The following PLXNC1 variants were observed in gnomAD, a reference collection of about 807,000 sequenced individuals.
PLXNC1 encodes plexin C1.
In PLXNC1, 75 loss-of-function variants were observed where a neutral mutation model predicts 178.2. That is an observed-to-expected ratio of 0.42 (90% CI 0.35 to 0.51). The LOEUF (loss-of-function observed/expected upper bound fraction) is 0.51. Ranked by LOEUF, PLXNC1 falls within the 20% of genes least tolerant of loss-of-function variation. The pLI is 0.02. For synonymous variants in PLXNC1, 790 were observed against 779.9 expected (o/e 1.01, Z -0.22); for missense variants, 1,503 against 1,984.4 (o/e 0.76, Z 4.61).
intron 21 of PLXNC1, among the ~76,000 whole-genome samples, chr12:94,268,106 G>C (rs903338112): frequency 6.6e-6 from 1 of 152,118 alleles, no homozygotes; most frequent in South Asian, 2.1e-4. Context: ...GCAGGGACAC[G>C]TTTGGAAAAA....
intron 9 of PLXNC1, among the ~76,000 whole-genome samples, chr12:94,234,757 C>T (rs1488000508): frequency 6.6e-6 from 1 of 152,178 alleles, no homozygotes; most frequent in African/African-American, 2.4e-5. Flanking sequence ...CTCTAAAATG[C>T]ATAAGCTTAT....
chr12:94,227,945 T>G (rs1963991899), intron 9 of PLXNC1, among the ~76,000 whole-genome samples: 1 of 152,206 alleles, frequency 6.6e-6, no homozygotes, highest in African/African-American at 2.4e-5. Flanking sequence ...AAAAAGAGGA[T>G]AAGTCCTGCC....
At chr12:94,169,627 G>A (rs947725936) in intron 2 of PLXNC1, among the ~76,000 whole-genome samples, 5 of 152,110 alleles carry the variant, frequency 3.3e-5, no homozygotes, top group East Asian at 3.9e-4. Context: ...TAACCTTTTA[G>A]TTCTAGCTCC....
chr12:94,214,385 C>T (rs1963583685), intron 5 of PLXNC1, among the ~76,000 whole-genome samples: 2 of 152,160 alleles, frequency 1.3e-5, no homozygotes, highest in Non-Finnish European at 2.9e-5. Context: ...CCATGCCCAT[C>T]CTAGAAACAT....
chr12:94,239,232 C>T (rs774844279), intron 10 of PLXNC1, among the ~76,000 whole-genome samples: 1 of 152,192 alleles, frequency 6.6e-6, no homozygotes, highest in Admixed American at 6.5e-5. Context: ...TAATCCTATA[C>T]CTGAGCCCAG....
At chr12:94,187,089 T>C (rs1040387281) in intron 4 of PLXNC1, among the ~76,000 whole-genome samples, 5 of 151,974 alleles carry the variant, frequency 3.3e-5, no homozygotes, top group African/African-American at 1.2e-4. Flanking sequence ...CCTGGTTGGA[T>C]TCGCCGTCGC....
chr12:94,236,298 G>A (rs1022557728), intron 9 of PLXNC1, among the ~76,000 whole-genome samples: 1 of 152,226 alleles, frequency 6.6e-6, no homozygotes, highest in African/African-American at 2.4e-5. Context: ...GCGCTGATGA[G>A]TGATGGGGAC....
intron 27 of PLXNC1, among the ~76,000 whole-genome samples, chr12:94,300,602 AAACT>A (rs1968371117): frequency 1.3e-5 from 2 of 152,140 alleles, no homozygotes; most frequent in South Asian, 4.1e-4. Flanking sequence ...ATGTGAGAAC[AAACT>A]GTCAGGAGAT....
intron 23 of PLXNC1, among the ~76,000 whole-genome samples, chr12:94,284,049 C>T (rs1208654913): frequency 6.8e-6 from 1 of 146,932 alleles, no homozygotes; most frequent in Admixed American, 7.1e-5. Flanking sequence ...TGCCATGGCA[C>T]TCCAGCCTGT....
At position 94,269,607 on chromosome 12, in the gene PLXNC1, G is replaced by A. The variant is rs144615678; in HGVS notation, c.3597+4382G>A. Reference sequence around the variant, plus strand: ...CCGTAATTAAACAACCCACTGTCCCGATTAAGTCATTCTCTGTTACTTCAA... The same window carrying A: ...CCGTAATTAAACAACCCACTGTCCCAATTAAGTCATTCTCTGTTACTTCAA... On this transcript the variant is annotated intron_variant, in intron 21 of 30. Coordinates refer to ENST00000258526, the MANE Select transcript of PLXNC1 (RefSeq NM_005761.3). Among the ~76,000 whole-genome samples, 78 of 152,284 alleles carry A rather than the reference G, an allele frequency of 5.1e-4. 2 individuals are homozygous for A. The highest frequency in any genetic ancestry group is 1.6e-3 in the African/African-American group (65 of 41,556).
intron 1 of PLXNC1, among the ~76,000 whole-genome samples, chr12:94,163,197 C>T (rs1961454110): frequency 6.6e-6 from 1 of 152,006 alleles, no homozygotes; most frequent in Non-Finnish European, 1.5e-5. Context: ...AACCCCATCT[C>T]TACTAAAAAT....
intron 4 of PLXNC1, among the ~76,000 whole-genome samples, chr12:94,208,661 G>A (rs1050152207): frequency 2.0e-5 from 3 of 152,222 alleles, no homozygotes; most frequent in Admixed American, 1.3e-4. Context: ...TCAGCCTTGA[G>A]GAGGTGTAGT....
At chr12:94,262,824 A>G in intron 20 of PLXNC1, 1 of 957,592 alleles carries the variant, frequency 1.0e-6, no homozygotes, top group Non-Finnish European at 1.2e-6. Flanking sequence ...CATTTATTGA[A>G]TGTGCCAGAC....
intron 23 of PLXNC1, among the ~76,000 whole-genome samples, chr12:94,290,029 C>T (rs1967133122): frequency 1.3e-5 from 2 of 152,164 alleles, no homozygotes; most frequent in Non-Finnish European, 2.9e-5. Context: ...TGGCAGCGTT[C>T]CTTATCAGAA....
At chr12:94,213,514 G>A (rs1166811819) in intron 5 of PLXNC1, among the ~76,000 whole-genome samples, 2 of 151,006 alleles carry the variant, frequency 1.3e-5, no homozygotes, top group Admixed American at 6.6e-5. Flanking sequence ...GCTTTTTCTT[G>A]TAAATGTGTT....
intron 23 of PLXNC1, among the ~76,000 whole-genome samples, chr12:94,288,141 A>T (rs1367549810): frequency 1.3e-5 from 2 of 152,248 alleles, no homozygotes; most frequent in African/African-American, 2.4e-5. Flanking sequence ...ATTGAGGAGA[A>T]ATCCTGGTAG....
At chr12:94,278,395 T>G (rs1234462169) in intron 21 of PLXNC1, among the ~76,000 whole-genome samples, 1 of 152,256 alleles carries the variant, frequency 6.6e-6, no homozygotes, top group Non-Finnish European at 1.5e-5. Flanking sequence ...CTATTTGTTC[T>G]TAGACAAAGT....
intron 10 of PLXNC1, among the ~76,000 whole-genome samples, chr12:94,238,421 G>A (rs1313095232): frequency 6.6e-6 from 1 of 151,858 alleles, no homozygotes; most frequent in African/African-American, 2.4e-5. Flanking sequence ...TCATCACATC[G>A]GTGAAACTTG....
At chr12:94,184,601 T>C (rs1337165906) in intron 3 of PLXNC1, among the ~76,000 whole-genome samples, 1 of 151,604 alleles carries the variant, frequency 6.6e-6, no homozygotes, top group Non-Finnish European at 1.5e-5. Context: ...TTTTGTATTT[T>C]TAGTAGAGAC....
Sources: gnomAD v4.1 joint callset for allele counts (sites outside exome capture counted in the v4.1 genomes callset) on GRCh38, gnomAD v4.1.1 for gene constraint, MANE v1.5 for transcripts, NCBI Gene and HGNC (gene_info 2026-07-23, HGNC 2026-07-21) for gene names.